COLEC12: variants seen among roughly 807,000 people sequenced by gnomAD.
The protein encoded by COLEC12 is collectin-12.
In COLEC12, 33 loss-of-function variants were observed where a neutral mutation model predicts 71.1. That is an observed-to-expected ratio of 0.46 (90% confidence interval 0.35 to 0.62). The LOEUF (loss-of-function observed/expected upper bound fraction) is 0.62. COLEC12 is among the 20% of genes least tolerant of loss of function. The pLI, the probability that COLEC12 is intolerant of heterozygous loss-of-function variation, is 0.00. For synonymous variants in COLEC12, 350 were observed against 353.0 expected (o/e 0.99, Z 0.10); for missense variants, 765 against 916.1 (o/e 0.84, Z 2.13).
chr18:349,175 A>C (rs1185073631), intron 3 of COLEC12, among the ~76,000 whole-genome samples: 4 of 152,132 alleles, frequency 2.6e-5, no homozygotes, highest in Non-Finnish European at 5.9e-5. Context: ...CCCAGGAGAA[A>C]ATGGTTTCGT....
chr18:384,704 T>A (rs936787129), intron 2 of COLEC12, among the ~76,000 whole-genome samples: 1 of 152,230 alleles, frequency 6.6e-6, no homozygotes, highest in African/African-American at 2.4e-5. Flanking sequence ...CTGGACTCCA[T>A]GACCTTTAAG....
At chr18:495,675 C>T (rs1917697964) in intron 1 of COLEC12, among the ~76,000 whole-genome samples, 1 of 152,226 alleles carries the variant, frequency 6.6e-6, no homozygotes, top group African/African-American at 2.4e-5. Context: ...GATGATAGCG[C>T]CTTGTCTACG....
chr18:470,220 A>ATTTTTTTTTTTTTT (rs71174234), intron 2 of COLEC12, among the ~76,000 whole-genome samples: 1 of 92,354 alleles, frequency 1.1e-5, no homozygotes, highest in African/African-American at 4.4e-5. Context: ...AGGCCAGGAA[A>ATTTTTTTTTTTTTT]TTTTTTTTTT....
intron 8 of COLEC12, among the ~76,000 whole-genome samples, chr18:330,151 CACAT>C (rs1913939116): frequency 6.6e-6 from 1 of 152,168 alleles, no homozygotes; most frequent in Non-Finnish European, 1.5e-5. Flanking sequence ...TGATCCTACT[CACAT>C]GGAGAATTTG....
Position 368,709 on chromosome 18 carries a change from C to CA in COLEC12, c.59-11188dup, listed in dbSNP as rs1276961942. Among the ~76,000 whole-genome samples the CA allele has an allele frequency of 3.9e-4, 59 of 150,942 alleles. 1 individual carries two copies. In the East Asian group the frequency reaches 5.7e-3, roughly 15 times the overall value. On this transcript the variant is annotated intron_variant, in intron 2 of 9. Transcript: ENST00000400256. ...GAAACCCCGTCTCCACTAAAAAATACAAAAAAATTAGCCGGGCGTGGTGGC... is the reference window on the plus strand; with the variant it reads ...GAAACCCCGTCTCCACTAAAAAATACAAAAAAAATTAGCCGGGCGTGGTGGC...
intron 1 of COLEC12, among the ~76,000 whole-genome samples, chr18:482,052 A>T (rs953181365): frequency 6.6e-6 from 1 of 151,842 alleles, no homozygotes; most frequent in African/African-American, 2.4e-5. Context: ...GTAGTTTTTC[A>T]ATTCCCATCC....
intron 2 of COLEC12, among the ~76,000 whole-genome samples, chr18:389,526 C>T (rs547810177): frequency 2.6e-5 from 4 of 151,984 alleles, no homozygotes; most frequent in Admixed American, 2.6e-4. Context: ...GGTCCGCCCA[C>T]CTCGGCCTCC....
chr18:372,772 T>A (rs1312864229), intron 2 of COLEC12, among the ~76,000 whole-genome samples: 2 of 152,144 alleles, frequency 1.3e-5, no homozygotes, highest in African/African-American at 4.8e-5. Flanking sequence ...AATAGAACAT[T>A]TAGTAATTCA....
intron 2 of COLEC12, among the ~76,000 whole-genome samples, chr18:427,989 G>T (rs1440072190): frequency 2.6e-5 from 4 of 152,202 alleles, no homozygotes; most frequent in Non-Finnish European, 5.9e-5. Context: ...TCCTGGCCGG[G>T]CGTGGTGGCT....
At chr18:460,038 AG>A (rs1417904312) in intron 2 of COLEC12, among the ~76,000 whole-genome samples, 1 of 143,064 alleles carries the variant, frequency 7.0e-6, no homozygotes, top group African/African-American at 2.7e-5. Context: ...AACTCATCAG[AG>A]GAAAAAAAAG....
chr18:438,637 C>A (rs1916451962), intron 2 of COLEC12, among the ~76,000 whole-genome samples: 1 of 151,836 alleles, frequency 6.6e-6, no homozygotes. Flanking sequence ...CACAGTGGGA[C>A]CCATTGCTAC....
At position 346,382 on chromosome 18, in the gene COLEC12, C is replaced by T; in HGVS notation, c.1240G>A (p.Val414Ile). The T allele has an allele frequency of 1.2e-6, 2 of 1,614,092 alleles. No homozygotes were observed. Among genetic ancestry groups the T allele is most frequent in the Non-Finnish European group, 1.7e-6 (2 of 1,179,940 alleles). ...DLMRSRLDTE[V>I]ANLSVIMEEM... ...TCCATAATCACTGATAAGTTGGCTACTTCAGTGTCTAACCTCGACCTCATC... is the reference window on the plus strand; with the variant it reads ...TCCATAATCACTGATAAGTTGGCTATTTCAGTGTCTAACCTCGACCTCATC... The change falls in exon 5 of 10, where the codon GTA becomes ATA. Residue 414 changes from valine (V) to isoleucine (I), a missense_variant. Transcript: ENST00000400256. This position sits in a 1 kb window ranked among gnomAD's most constrained non-coding sequence, Gnocchi z 4.0.
chr18:424,339 T>C (rs1209351259), intron 2 of COLEC12: 5 of 152,302 alleles, frequency 3.3e-5, no homozygotes, highest in East Asian at 1.9e-4. Context: ...GTATATAATT[T>C]AGAAAGGGGG....
intron 3 of COLEC12, among the ~76,000 whole-genome samples, chr18:355,429 C>T (rs1045627533): frequency 4.6e-5 from 7 of 151,964 alleles, no homozygotes; most frequent in Admixed American, 1.3e-4. Flanking sequence ...ACGCACAACA[C>T]GCCAGAGCCA....
chr18:379,473 A>G (rs138925261), intron 2 of COLEC12, among the ~76,000 whole-genome samples: 6 of 152,288 alleles, frequency 3.9e-5, no homozygotes, highest in Non-Finnish European at 8.8e-5. Flanking sequence ...ACTCCAAAGC[A>G]GGTCCATGCA....
intron 2 of COLEC12, among the ~76,000 whole-genome samples, chr18:386,139 G>A (rs186107325): frequency 3.3e-5 from 5 of 152,266 alleles, no homozygotes; most frequent in Admixed American, 2.0e-4. Flanking sequence ...ACCCTTGAGG[G>A]ATGGTGCCTT....
intron 2 of COLEC12, among the ~76,000 whole-genome samples, chr18:365,591 G>A (rs894894324): frequency 6.6e-6 from 1 of 152,188 alleles, no homozygotes; most frequent in African/African-American, 2.4e-5. Context: ...CAAGCTTGCA[G>A]GAGCTGGGCA....
intron 2 of COLEC12, among the ~76,000 whole-genome samples, chr18:439,766 T>C (rs1276934895): frequency 6.6e-6 from 1 of 152,140 alleles, no homozygotes; most frequent in Non-Finnish European, 1.5e-5. Context: ...GCAGTCATTA[T>C]GGAAAATAAT....
At chr18:402,636 T>C (rs1467410937) in intron 2 of COLEC12, among the ~76,000 whole-genome samples, 1 of 152,104 alleles carries the variant, frequency 6.6e-6, no homozygotes, top group Non-Finnish European at 1.5e-5. Flanking sequence ...CCTTGTGAAG[T>C]GTTTCACCTT....
Sources: gnomAD v4.1 joint callset for allele counts (sites outside exome capture counted in the v4.1 genomes callset) on GRCh38, gnomAD v4.1.1 for gene constraint, Gnocchi (gnomAD v3.1) non-coding constraint, MANE v1.5 for transcripts, NCBI Gene and HGNC (gene_info 2026-07-23, HGNC 2026-07-21) for gene names.